The following CHCHD3 variants were observed in gnomAD, a reference collection of about 807,000 sequenced individuals.
CHCHD3 encodes MICOS complex subunit MIC19.
Under a neutral mutation model 38.2 loss-of-function variants are expected in CHCHD3, and 20 were observed. The observed-to-expected ratio is 0.52, with a 90% CI of 0.37 to 0.76. CHCHD3 has a LOEUF of 0.76. CHCHD3 is among the 30% of genes least tolerant of loss of function. The pLI is 0.00. For missense variants in CHCHD3, 245 were observed against 279.2 expected (o/e 0.88, Z 0.87); for synonymous variants, 82 against 100.0 (o/e 0.82, Z 1.07).
intron 3 of CHCHD3, among the ~76,000 whole-genome samples, chr7:133,023,680 T>C (rs1199974706): frequency 6.6e-6 from 1 of 152,206 alleles, no homozygotes; most frequent in Non-Finnish European, 1.5e-5. Context: ...TGTTTTCCCA[T>C]CTTTTTATGA....
rs149825629 is a variant in CHCHD3, at chr7:132,918,808, A to G, written c.370-33063T>C. 1.7e-3 allele frequency among the ~76,000 whole-genome samples: 263 copies of G among 152,330 alleles called. 4 individuals are homozygous for G. The highest frequency in any genetic ancestry group is 0.014 in the Admixed American group (220 of 15,304). On this transcript the variant is annotated intron_variant, in intron 4 of 7. Coordinates refer to ENST00000262570, the MANE Select transcript of CHCHD3 (RefSeq NM_017812.4). ...TTTCATAGAAACAGCTACAGCTGAC[A>G]TGGCACTTAATAAAATTATGTAATA...
intron 2 of CHCHD3, chr7:133,034,749 T>C (rs758103146): frequency 7.4e-6 from 12 of 1,613,678 alleles, no homozygotes; most frequent in East Asian, 2.2e-5. Context: ...GTAGTCCACC[T>C]GCCAATCTGG....
Position 133,009,537 on chromosome 7 carries a change from CA to C in CHCHD3, c.251+15008del, listed in dbSNP as rs34957591. On this transcript the variant is annotated intron_variant, in intron 3 of 7. Coordinates refer to ENST00000262570, the MANE Select transcript of CHCHD3 (RefSeq NM_017812.4). ...GAAGAGATGATCTCTCAGGTTACGACAAAAAAAAAAAAACTCTGTCACGAAA... is the reference window on the plus strand; with the variant it reads ...GAAGAGATGATCTCTCAGGTTACGACAAAAAAAAAAAACTCTGTCACGAAA... Among the ~76,000 whole-genome samples, 285 of 136,006 alleles carry C rather than the reference CA, an allele frequency of 2.1e-3. 1 individual carries two copies. The highest frequency in any genetic ancestry group is 7.6e-3 in the Middle Eastern group (2 of 262). The allele number at this position is 136,006 out of a possible 152,430, so 89.2% of individuals were successfully genotyped here.
intron 2 of CHCHD3, among the ~76,000 whole-genome samples, chr7:133,027,117 T>C (rs1167394965): frequency 6.6e-6 from 1 of 151,610 alleles, no homozygotes; most frequent in African/African-American, 2.4e-5. Context: ...TGTGTTATTT[T>C]TGGTAGAGAC....
intron 4 of CHCHD3, among the ~76,000 whole-genome samples, chr7:132,939,582 C>T (rs1189540743): frequency 1.3e-5 from 2 of 152,128 alleles, no homozygotes; most frequent in African/African-American, 4.8e-5. Flanking sequence ...AGTATTCACA[C>T]AATGATGCAT....
intron 4 of CHCHD3, among the ~76,000 whole-genome samples, chr7:132,954,626 A>T (rs1811114851): frequency 6.6e-6 from 1 of 152,088 alleles, no homozygotes. Context: ...CGGACTCTAC[A>T]ATGTTCAGAG....
At chr7:132,858,629 A>G (rs1448041325) in intron 5 of CHCHD3, among the ~76,000 whole-genome samples, 1 of 152,098 alleles carries the variant, frequency 6.6e-6, no homozygotes, top group East Asian at 1.9e-4. Flanking sequence ...AGAAAAATAA[A>G]TTTTTAGTCT....
chr7:132,863,920 G>C (rs1476150015), intron 5 of CHCHD3, among the ~76,000 whole-genome samples: 1 of 152,126 alleles, frequency 6.6e-6, no homozygotes, highest in South Asian at 2.1e-4. Context: ...TCTAGATTAG[G>C]CTGTGGCTTA....
At chr7:132,818,709 A>C (rs1283504878) in intron 6 of CHCHD3, among the ~76,000 whole-genome samples, 1 of 152,212 alleles carries the variant, frequency 6.6e-6, no homozygotes, top group Non-Finnish European at 1.5e-5. Flanking sequence ...AAAATAGCAA[A>C]AGTCAACAAA....
At chr7:133,032,681 G>A (rs1054889122) in intron 2 of CHCHD3, among the ~76,000 whole-genome samples, 1 of 152,070 alleles carries the variant, frequency 6.6e-6, no homozygotes, top group Non-Finnish European at 1.5e-5. Flanking sequence ...ATATTCTACA[G>A]TTTAGACATC....
chr7:132,869,592 A>G (rs1013137823), intron 5 of CHCHD3, among the ~76,000 whole-genome samples: 2 of 152,036 alleles, frequency 1.3e-5, no homozygotes, highest in African/African-American at 4.8e-5. Context: ...CCCACCCTCC[A>G]TGACTTGCTT....
chr7:132,823,670 T>C (rs1277603355), intron 6 of CHCHD3, among the ~76,000 whole-genome samples: 2 of 152,226 alleles, frequency 1.3e-5, no homozygotes, highest in African/African-American at 2.4e-5. Context: ...ATTTGCCTAG[T>C]AAGTGAGCTA....
chr7:132,999,938 T>C (rs2117388874), intron 3 of CHCHD3, among the ~76,000 whole-genome samples: 1 of 152,322 alleles, frequency 6.6e-6, no homozygotes, highest in East Asian at 1.9e-4. Context: ...AAGCATTATG[T>C]TTAAAAAATC....
At chr7:133,024,035 A>G (rs1401541857) in intron 3 of CHCHD3, among the ~76,000 whole-genome samples, 2 of 152,214 alleles carry the variant, frequency 1.3e-5, no homozygotes, top group Non-Finnish European at 2.9e-5. Context: ...AAAGTGGTTA[A>G]CTTCAGAGGA....
At chr7:132,980,100 T>C (rs1811879834) in intron 3 of CHCHD3, among the ~76,000 whole-genome samples, 1 of 152,202 alleles carries the variant, frequency 6.6e-6, no homozygotes, top group African/African-American at 2.4e-5. Context: ...AATTTTTCTC[T>C]TTTTGAACCA....
chr7:132,949,205 C>A (rs1810976634), intron 4 of CHCHD3, among the ~76,000 whole-genome samples: 1 of 152,030 alleles, frequency 6.6e-6, no homozygotes, highest in Non-Finnish European at 1.5e-5. Flanking sequence ...CTCATATCAT[C>A]CTAGGGAAAA....
chr7:132,847,705 T>C (rs957833097), intron 5 of CHCHD3, among the ~76,000 whole-genome samples: 1 of 152,212 alleles, frequency 6.6e-6, no homozygotes, highest in South Asian at 2.1e-4. Context: ...GTTTTCAAGT[T>C]CTAAATTTGA....
At chr7:132,916,979 C>T (rs79805857) in intron 4 of CHCHD3, among the ~76,000 whole-genome samples, 7,639 of 152,192 alleles carry the variant, frequency 0.05, 276 homozygotes, top group Non-Finnish European at 0.076. Flanking sequence ...TTTCAGGCAT[C>T]CACAGGGGGG....
intron 6 of CHCHD3, among the ~76,000 whole-genome samples, chr7:132,830,151 A>G (rs999171305): frequency 1.3e-5 from 2 of 152,206 alleles, no homozygotes; most frequent in African/African-American, 2.4e-5. Context: ...AGAAGGGGGG[A>G]AAAAGCATTA....
Sources: gnomAD v4.1 joint callset for allele counts (sites outside exome capture counted in the v4.1 genomes callset) on GRCh38, gnomAD v4.1.1 for gene constraint, MANE v1.5 for transcripts, NCBI Gene and HGNC (gene_info 2026-07-23, HGNC 2026-07-21) for gene names.